Variants in KBTBD12 observed in about 807,000 individuals in gnomAD.
The protein encoded by KBTBD12 is kelch repeat and BTB domain containing 12.
Under a neutral mutation model 58.7 loss-of-function variants are expected in KBTBD12, and 53 were observed. The observed-to-expected ratio is 0.90, with a 90% confidence interval of 0.72 to 1.14. The LOEUF is 1.14. Ranked by LOEUF, KBTBD12 falls within the 50% of genes most tolerant of loss-of-function variation. The probability of loss-of-function intolerance (pLI) is 0.00; values close to 1 mark genes in which losing one functional copy is unlikely to be tolerated. For missense variants in KBTBD12, 704 were observed against 751.3 expected, an observed-to-expected ratio of 0.94 and a Z score of 0.74; for synonymous variants, 236 against 259.8, an observed-to-expected ratio of 0.91 and a Z score of 0.88.
At chr3:127,937,529 T>A (rs1436330408) in intron 4 of KBTBD12, among the ~76,000 whole-genome samples, 1 of 152,138 alleles carries the variant, frequency 6.6e-6, no homozygotes, top group Non-Finnish European at 1.5e-5. Context: ...ACAAAGATTT[T>A]TTTTAAGTAG....
intron 4 of KBTBD12, among the ~76,000 whole-genome samples, chr3:127,952,854 T>G (rs1201906382): frequency 6.6e-6 from 1 of 152,244 alleles, no homozygotes; most frequent in Non-Finnish European, 1.5e-5. Flanking sequence ...TGCCTTTACC[T>G]TATTACATTT....
intron 5 of KBTBD12, among the ~76,000 whole-genome samples, chr3:127,965,484 A>G (rs966710441): frequency 3.9e-5 from 6 of 152,264 alleles, no homozygotes; most frequent in African/African-American, 1.4e-4. Context: ...TAGAGATCTC[A>G]TCAGACCTAA....
intron 1 of KBTBD12, among the ~76,000 whole-genome samples, chr3:127,916,706 A>G (rs1939250022): frequency 7.9e-6 from 1 of 126,636 alleles, no homozygotes. Context: ...AACAAAAAGC[A>G]AAAAAAAAAA....
intron 5 of KBTBD12, among the ~76,000 whole-genome samples, chr3:127,966,753 T>C (rs1940580555): frequency 6.6e-6 from 1 of 152,106 alleles, no homozygotes; most frequent in Non-Finnish European, 1.5e-5. Flanking sequence ...ATTGAAAGGA[T>C]ATACAAATGC....
At chr3:127,956,443 C>T (rs1156286582) in intron 4 of KBTBD12, among the ~76,000 whole-genome samples, 3 of 150,404 alleles carry the variant, frequency 2.0e-5, no homozygotes, top group African/African-American at 7.4e-5. Flanking sequence ...TCCCAGCAGA[C>T]TCTGAGTGTC....
chr3:127,954,670 G>A (rs909260258), intron 4 of KBTBD12, among the ~76,000 whole-genome samples: 1 of 152,140 alleles, frequency 6.6e-6, no homozygotes, highest in Non-Finnish European at 1.5e-5. Context: ...TATAGAAAGT[G>A]AGGCCAGAAT....
chr3:127,930,282 G>T lies in KBTBD12; in HGVS notation c.1491G>T (p.Leu497Phe), dbSNP rs765372504. 3.1e-6 allele frequency: 5 copies of T among 1,610,516 alleles called. No homozygotes were observed. Among genetic ancestry groups the T allele is most frequent in the Non-Finnish European group, 4.2e-6 (5 of 1,178,270 alleles). The part of the protein sequence containing the change: ...TAVVNSEIYV[L>F]GGIGCVGQDK... The stretch of plus-strand genomic sequence containing the variant: ...TAGTCAACAGTGAGATTTATGTTTT[G>T]GGTAAGAAGAAGCAGATTGCTAACA... Residue 497 changes from leucine to phenylalanine, a missense_variant and splice_region_variant, in exon 4 of 6, where the codon TTG becomes TTT. Coordinates refer to ENST00000405109, the MANE Select transcript of KBTBD12 (RefSeq NM_207335.4).
chr3:127,928,377 G>A (rs954257732), intron 3 of KBTBD12, among the ~76,000 whole-genome samples: 2 of 152,194 alleles, frequency 1.3e-5, no homozygotes, highest in African/African-American at 2.4e-5. Context: ...CCAGTTCTGT[G>A]TGTCTAATAG....
At chr3:127,922,716 T>C (rs955656337) in intron 1 of KBTBD12, among the ~76,000 whole-genome samples, 3 of 152,160 alleles carry the variant, frequency 2.0e-5, no homozygotes, top group Non-Finnish European at 4.4e-5. Flanking sequence ...GGGAAATCTT[T>C]GCAGTCCTAG....
In KBTBD12 at chr3:127,984,506, C is replaced by G. The variant is rs1940932727; in HGVS notation, c.*228C>G. The G allele has an allele frequency of 2.3e-6, 1 of 431,316 alleles. No individual in the cohort carries two copies. Among genetic ancestry groups the G allele is most frequent in the Non-Finnish European group, 4.2e-6 (1 of 237,530 alleles). 26.7% of individuals were successfully genotyped at this position (431,316 alleles called of 1,614,324 possible). ...CACTACAAAGAAGAGGTGATGACGG[C>G]CACAGGAGGGGCACAGGGCCACAGG... On this transcript the variant is annotated 3_prime_UTR_variant, in exon 6 of 6. Coordinates refer to ENST00000405109, the MANE Select transcript of KBTBD12 (RefSeq NM_207335.4).
chr3:127,975,891 T>C (rs952513320), intron 5 of KBTBD12, among the ~76,000 whole-genome samples: 1 of 152,366 alleles, frequency 6.6e-6, no homozygotes, highest in Non-Finnish European at 1.5e-5. Context: ...CATGAGGGAA[T>C]AGAATCTTGG....
rs1317820629 is a variant in KBTBD12 at position 127,923,358 on chromosome 3, C to T, written c.297C>T (p.Ala99=). 3 of 1,613,656 alleles carry T rather than the reference C, an allele frequency of 1.9e-6. No individual in the cohort carries two copies. The highest frequency in any genetic ancestry group is 2.2e-5 in the East Asian group (1 of 44,888). ...ATGCAGCTTTGGAGATCAATAATGC[C>T]AATGTACAGACTGTAGCTATGGCTG... is the stretch of plus-strand genomic sequence containing the variant. ...MYNAALEINN[A]NVQTVAMAAY... Residue 99 remains alanine, a synonymous_variant, in exon 2 of 6, where the codon GCC becomes GCT. Coordinates refer to ENST00000405109, the MANE Select transcript of KBTBD12 (RefSeq NM_207335.4).
rs566047022 is a variant in KBTBD12, at chr3:127,924,347, G to A, written c.1070+216G>A. On this transcript the variant is annotated intron_variant, in intron 2 of 5. Transcript: ENST00000405109. The stretch of plus-strand genomic sequence containing the variant: ...ATATAATCTATAACTCATAAATATA[G>A]CATATATAAAAATATATAAATATAT... 2.5e-4 allele frequency among the ~76,000 whole-genome samples: 37 copies of A among 147,348 alleles called. 1 individual carries two copies. In the South Asian group the frequency reaches 7.9e-3, roughly 31 times the overall value.
At chr3:127,970,457 C>T (rs1243015698) in intron 5 of KBTBD12, among the ~76,000 whole-genome samples, 1 of 152,122 alleles carries the variant, frequency 6.6e-6, no homozygotes, top group Non-Finnish European at 1.5e-5. Flanking sequence ...ATATGCCCAC[C>T]CTTGTACCTG....
chr3:127,957,085 T>G (rs998555071), intron 4 of KBTBD12, among the ~76,000 whole-genome samples: 1 of 152,098 alleles, frequency 6.6e-6, no homozygotes, highest in African/African-American at 2.4e-5. Context: ...TCATTTGGAG[T>G]AATATGTACT....
rs74472876 is a variant in KBTBD12, at chr3:127,960,189, G to A, written c.1493-3000G>A. Among the ~76,000 whole-genome samples, 728 of 152,264 alleles carry A rather than the reference G, an allele frequency of 4.8e-3. 5 individuals carry two copies. The highest frequency in any genetic ancestry group is 0.016 in the African/African-American group (645 of 41,550). On this transcript the variant is annotated intron_variant, in intron 4 of 5. Transcript: ENST00000405109. ...CTCTGCTTCAGCCAGCTCCCTGCCA[G>A]GCTTTGTGTGGGAGGAGAGGTTCAC...
chr3:127,971,761 TCCCTTCTGCCTTCAGCC>T (rs1940686492), intron 5 of KBTBD12, among the ~76,000 whole-genome samples: 1 of 152,202 alleles, frequency 6.6e-6, no homozygotes, highest in Non-Finnish European at 1.5e-5. Context: ...CCAGGCTAAG[TCCCTTCTGCCTTCAGCC>T]CATCTGAGCC....
intron 2 of KBTBD12, among the ~76,000 whole-genome samples, chr3:127,926,984 C>T (rs1939587263): frequency 6.6e-6 from 1 of 152,078 alleles, no homozygotes; most frequent in Non-Finnish European, 1.5e-5. Context: ...TGATGCAAGA[C>T]AAAGAATAGC....
At chr3:127,932,561 C>A (rs980407787) in intron 4 of KBTBD12, among the ~76,000 whole-genome samples, 5 of 152,084 alleles carry the variant, frequency 3.3e-5, no homozygotes, top group African/African-American at 1.2e-4. Flanking sequence ...AGATAGTCTA[C>A]AGGGTATCTC....
Sources: gnomAD v4.1 joint callset for allele counts (sites outside exome capture counted in the v4.1 genomes callset) on GRCh38, gnomAD v4.1.1 for gene constraint, MANE v1.5 for transcripts, NCBI Gene and HGNC (gene_info 2026-07-23, HGNC 2026-07-21) for gene names.